MUC5B: variants seen among roughly 807,000 people sequenced by gnomAD.
The protein encoded by MUC5B is mucin-5B.
A neutral mutation model predicts 376.9 loss-of-function variants in MUC5B; 116 were observed. The ratio of observed to expected loss-of-function variants is 0.31; its 90% CI spans 0.26 to 0.36. The LOEUF (loss-of-function observed/expected upper bound fraction) is 0.36, where lower values mean the gene tolerates loss of function less well. Ranked by LOEUF, MUC5B falls within the 10% of genes least tolerant of loss-of-function variation. The probability of loss-of-function intolerance (pLI) is 1.00; values close to 1 mark genes in which losing one functional copy is unlikely to be tolerated. For missense variants in MUC5B, 7,165 were observed against 7,769.9 expected (o/e 0.92, Z 2.93); for synonymous variants, 3,517 against 3,390.9 (o/e 1.04, Z -1.29).
At position 1,254,780 on chromosome 11, in the gene MUC5B, G is replaced by A. The variant is rs535416179; in HGVS notation, c.15564G>A (p.Val5188=). 2 of 1,612,852 alleles carry A rather than the reference G, an allele frequency of 1.2e-6. No homozygotes were observed. The highest frequency in any genetic ancestry group is 1.3e-5 in the African/African-American group (1 of 75,056). ...VSVLGTTTMR[V]DIPALGVSVT... The stretch of plus-strand genomic sequence containing the variant: ...TGCTGGGGACCACCACCATGCGTGT[G>A]GACATTCCTGCCCTGGGCGTGAGCG... Residue 5188 remains valine (V), a synonymous_variant, in exon 35 of 49, where the codon GTG becomes GTA. Transcript: ENST00000529681.
rs773340084 is a variant in MUC5B, at chr11:1,232,520, C to T, written c.1914C>T (p.Ile638=). The T allele has an allele frequency of 1.2e-6, 2 of 1,611,250 alleles. No homozygotes were observed. Among genetic ancestry groups the T allele is most frequent in the East Asian group, 2.2e-5 (1 of 44,732 alleles). The change falls in exon 16 of 49, where the codon ATC becomes ATT. Residue 638 remains isoleucine, a synonymous_variant. Coordinates refer to ENST00000529681, the MANE Select transcript of MUC5B (RefSeq NM_002458.3). ...GTGCCTTCTCGCGCTGCCACTCCAT[C>T]ATCAACCCCAAGCCCTTCCACTCGG... is the stretch of plus-strand genomic sequence containing the variant. ...PNSAFSRCHS[I]INPKPFHSNC... is the part of the protein sequence containing the mutation.
chr11:1,236,707 G>A lies in MUC5B; in HGVS notation c.3057+145G>A, dbSNP rs1376524602. ...GGGCCCTGCCTGTGGCCTCCACAGT[G>A]GGCAGAGGATTTTGCAGGGAAGCAG... On this transcript the variant is annotated intron_variant, in intron 24 of 48. Coordinates refer to ENST00000529681, the MANE Select transcript of MUC5B (RefSeq NM_002458.3). 3.6e-6 allele frequency: 4 copies of A among 1,099,562 alleles called. No homozygotes were observed. In the Admixed American group the frequency reaches 8.3e-5, roughly 23 times the overall value. 68.1% of individuals were successfully genotyped at this position (1,099,562 alleles called of 1,614,324 possible). A position where few individuals can be genotyped will look rare whatever the true frequency, so the allele number is the denominator to read the frequency against.
Position 1,227,393 on chromosome 11 carries a change from C to A in MUC5B, c.662C>A (p.Ala221Asp), listed in dbSNP as rs375508575. 1 of 1,608,784 alleles carries A rather than the reference C, an allele frequency of 6.2e-7. No homozygotes were observed. Among genetic ancestry groups the A allele is most frequent in the Non-Finnish European group, 8.5e-7 (1 of 1,176,956 alleles). The change falls in exon 6 of 49, where the codon GCC becomes GAC. Residue 221 changes from alanine (A) to aspartate (D), a missense_variant. Around this residue, in one of 31 missense-constraint regions of MUC5B, gnomAD observed 640 missense variants for 733.0 expected, o/e 0.87. Coordinates refer to ENST00000529681, the MANE Select transcript of MUC5B (RefSeq NM_002458.3). ...NGLPAFNEFY[A>D]HNARLTPLQF... ...CTCCCGGCCTTCAACGAGTTCTATG[C>A]CCACAGTGAGTGCCACCTGGGTGAG... is the stretch of plus-strand genomic sequence containing the variant.
Position 1,255,416 on chromosome 11 carries a change from G to C in MUC5B, c.15924G>C (p.Pro5308=), listed in dbSNP as rs888340051. Residue 5308 remains proline, a synonymous_variant, in exon 37 of 49, where the codon CCG becomes CCC. Coordinates refer to ENST00000529681, the MANE Select transcript of MUC5B (RefSeq NM_002458.3). ...VFAECHNLVP[P]GPFFNACISD... is the part of the protein sequence containing the mutation. ...CTGAGTGCCACAACCTTGTGCCCCC[G>C]GGCCCATTCTTCAACGCCTGCATCA... is the stretch of plus-strand genomic sequence containing the variant. 1.9e-6 allele frequency: 3 copies of C among 1,604,200 alleles called. No homozygotes were observed. The highest frequency in any genetic ancestry group is 2.6e-6 in the Non-Finnish European group (3 of 1,175,652).
chr11:1,247,028 C>T lies in MUC5B; in HGVS notation c.10148C>T (p.Thr3383Ile), dbSNP rs1245649824. 1.5e-5 allele frequency: 24 copies of T among 1,553,124 alleles called. No homozygotes were observed. The highest frequency in any genetic ancestry group is 2.0e-5 in the Non-Finnish European group (23 of 1,148,048). The change falls in exon 31 of 49, where the codon ACC becomes ATC. Residue 3383 changes from threonine (T) to isoleucine (I), a missense_variant. Coordinates refer to ENST00000529681, the MANE Select transcript of MUC5B (RefSeq NM_002458.3). ...GCAACACCCTCCTCTAGCACACAGA[C>T]CAGTGGTACTCCCCCATCACTGACC... ...SMATPSSSTQ[T>I]SGTPPSLTTT...
Position 1,259,820 on chromosome 11 carries a change from C to A in MUC5B, c.16778C>A (p.Thr5593Lys). Residue 5593 changes from threonine to lysine, a missense_variant, in exon 45 of 49, where the codon ACG becomes AAG. This residue lies in a region of MUC5B where 842 missense variants were observed against 1,016.9 expected (regional missense o/e 0.83). Transcript: ENST00000529681. ...CGECVQTACL[T>K]PDGQPVQLNE... Reference sequence around the variant, plus strand: ...GAGTGCGTCCAGACCGCCTGCCTCACGCCCGATGGCCAGCCAGTCCAGGTA... The same window carrying A: ...GAGTGCGTCCAGACCGCCTGCCTCAAGCCCGATGGCCAGCCAGTCCAGGTA... 1 of 1,612,388 alleles carries A rather than the reference C, an allele frequency of 6.2e-7. No homozygotes were observed. The highest frequency in any genetic ancestry group is 1.1e-5 in the South Asian group (1 of 91,078).
Position 1,233,866 on chromosome 11 carries a change from C to A in MUC5B, c.2377+18C>A, listed in dbSNP as rs1334340034. On this transcript the variant is annotated intron_variant, in intron 19 of 48. Transcript: ENST00000529681. ...AAGCACAGGTAAGTGCCACCCCTGC[C>A]CTGCCCTGCCCTGCCCCGCCCCGCA... 1.9e-6 allele frequency: 3 copies of A among 1,557,146 alleles called. No homozygotes were observed. Among genetic ancestry groups the A allele is most frequent in the Non-Finnish European group, 2.6e-6 (3 of 1,150,196 alleles).
At chr11:1,261,298 C>T (rs1351176109) in intron 48 of MUC5B, 91 bp from the exon 49 acceptor site, 10 of 1,208,390 alleles carry the variant, frequency 8.3e-6, no homozygotes, top group Non-Finnish European at 1.0e-5. Flanking sequence ...GCCGTCTGGC[C>T]CAGGACCCCA....
At chr11:1,255,348 TG>T (rs1176096478) in intron 36 of MUC5B, 34 bp from the exon 37 acceptor site, 1 of 1,553,038 alleles carries the variant, frequency 6.4e-7, no homozygotes. Flanking sequence ...TCCCTGGGGC[TG>T]GGGGCCCTCC....
intron 8 of MUC5B, among the ~76,000 whole-genome samples, 191 bp from the exon 9 acceptor site, chr11:1,228,979 G>A (rs1411690811): frequency 6.6e-6 from 1 of 152,006 alleles, no homozygotes; most frequent in African/African-American, 2.4e-5. Flanking sequence ...GAGAGGCTGT[G>A]CAGCAGGTGG....
chr11:1,227,833 G>C (rs1322679901), intron 7 of MUC5B, 52 bp downstream of exon 7: 1 of 679,012 alleles, frequency 1.5e-6, no homozygotes. Context: ...TCCAGGTCCA[G>C]GGGGAGCTGG....
rs963677376 is a variant in MUC5B, at chr11:1,232,341, C to A, written c.1844-109C>A. On this transcript the variant is annotated intron_variant, in intron 15 of 48. Transcript: ENST00000529681. ...AACCCCCCAAGGCGCAGCAGGTGAG[C>A]CGCAAATTCCAACTCACTGTTCCCC... 4.0e-5 allele frequency: 55 copies of A among 1,382,828 alleles called. No homozygotes were observed. In the East Asian group the frequency reaches 1.4e-3, roughly 34 times the overall value. The allele number at this position is 1,382,828 out of a possible 1,614,324, so 85.7% of individuals were successfully genotyped here.
chr11:1,225,712 G>C lies in MUC5B; in HGVS notation c.102G>C (p.Glu34Asp). 1 of 1,606,600 alleles carries C rather than the reference G, an allele frequency of 6.2e-7. No individual in the cohort carries two copies. The highest frequency in any genetic ancestry group is 8.5e-7 in the Non-Finnish European group (1 of 1,177,192). ...AGGGCCCTGTGGAGCCGAGCTGGGA[G>C]AATGCAGGGCACACCATGGATGGCG... The part of the protein sequence containing the change: ...ETQGPVEPSW[E>D]NAGHTMDGGA... Residue 34 changes from glutamate (E) to aspartate (D), a missense_variant, in exon 2 of 49, where the codon GAG becomes GAC. Physicochemically the swap from Glu to Asp is conservative, Grantham distance 45. This residue lies in a region of MUC5B where 640 missense variants were observed against 733.0 expected (regional missense o/e 0.87). Transcript: ENST00000529681.
chr11:1,255,168 T>G lies in MUC5B; in HGVS notation c.15792T>G (p.Thr5264=). The G allele has an allele frequency of 6.4e-7, 1 of 1,559,992 alleles. No homozygotes were observed. The highest frequency in any genetic ancestry group is 8.7e-7 in the Non-Finnish European group (1 of 1,153,082). ...DSRKDGCWAP[T]GTPPTASPAA... ...GAAAGGATGGCTGCTGGGCCCCGAC[T>G]GGCACACCCCCCACTGCCAGCCCCG... Residue 5264 remains threonine, a synonymous_variant, in exon 36 of 49, where the codon ACT becomes ACG. Coordinates refer to ENST00000529681, the MANE Select transcript of MUC5B (RefSeq NM_002458.3).
intron 15 of MUC5B, 127 bp from the exon 16 acceptor site, chr11:1,232,323 C>A: frequency 7.4e-7 from 1 of 1,352,036 alleles, no homozygotes; most frequent in South Asian, 1.4e-5. Context: ...CAGAACCCCC[C>A]AAGGCGCAGC....
chr11:1,251,343 G>A lies in MUC5B; in HGVS notation c.14463G>A (p.Glu4821=). ...TGGGGACGACCCGGATCCTCACTGAGCTGACCACAACAGCCACTACAACTG... is the reference window on the plus strand; with the variant it reads ...TGGGGACGACCCGGATCCTCACTGAACTGACCACAACAGCCACTACAACTG... ...STLGTTRILT[E]LTTTATTTAA... The change falls in exon 31 of 49, where the codon GAG becomes GAA. Residue 4821 remains glutamate (E), a synonymous_variant. Coordinates refer to ENST00000529681, the MANE Select transcript of MUC5B (RefSeq NM_002458.3). 1.2e-6 allele frequency: 2 copies of A among 1,611,268 alleles called. No homozygotes were observed. The highest frequency in any genetic ancestry group is 1.7e-6 in the Non-Finnish European group (2 of 1,178,350).
Position 1,242,117 on chromosome 11 carries a change from C to G in MUC5B, c.5237C>G (p.Ala1746Gly). ...AAAGAGCCGCTGACCACGAGCCTGGCGCCAACACTCACGAGCGAGCTGTCC... is the reference window on the plus strand; with the variant it reads ...AAAGAGCCGCTGACCACGAGCCTGGGGCCAACACTCACGAGCGAGCTGTCC... ...ASKEPLTTSL[A>G]PTLTSELSTS... is the part of the protein sequence containing the mutation. Residue 1746 changes from alanine (A) to glycine (G), a missense_variant, in exon 31 of 49, where the codon GCG becomes GGG. This residue lies in a region of MUC5B where 897 missense variants were observed against 779.6 expected (regional missense o/e 1.15). Transcript: ENST00000529681. 6.2e-7 allele frequency: 1 copy of G among 1,613,394 alleles called. No homozygotes were observed. The highest frequency in any genetic ancestry group is 8.5e-7 in the Non-Finnish European group (1 of 1,179,820).
At chr11:1,233,313 G>A (rs1419904462) in intron 18 of MUC5B, 45 bp downstream of exon 18, 2 of 1,466,392 alleles carry the variant, frequency 1.4e-6, no homozygotes, top group East Asian at 2.5e-5. Context: ...GCTCCTCAGA[G>A]CCACTTCCCG....
In MUC5B at chr11:1,244,668, C is replaced by G; in HGVS notation, c.7788C>G (p.Pro2596=). Residue 2596 remains proline, a synonymous_variant, in exon 31 of 49, where the codon CCC becomes CCG. Transcript: ENST00000529681. Reference sequence around the variant, plus strand: ...GGGCCACCGGCTCTGTGGCCACCCCCTCCTCCACCCCAGGAACAGCTCACA... The same window carrying G: ...GGGCCACCGGCTCTGTGGCCACCCCGTCCTCCACCCCAGGAACAGCTCACA... ...TTGATGSVAT[P]SSTPGTAHTT... is the part of the protein sequence containing the mutation. 1.2e-6 allele frequency: 2 copies of G among 1,612,500 alleles called. No individual in the cohort carries two copies. The highest frequency in any genetic ancestry group is 1.7e-6 in the Non-Finnish European group (2 of 1,178,830).
Sources: gnomAD v4.1 joint callset for allele counts (sites outside exome capture counted in the v4.1 genomes callset) on GRCh38, gnomAD v4.1.1 for gene constraint, gnomAD v4.1.1 regional missense constraint, MANE v1.5 for transcripts, NCBI Gene and HGNC (gene_info 2026-07-23, HGNC 2026-07-21) for gene names.